Variants in DNM3 observed in about 807,000 individuals in gnomAD.
DNM3 encodes dynamin-3.
DNM3 carries 47 observed loss-of-function variants against 101.6 expected under a neutral mutation model. The ratio of observed to expected loss-of-function variants is 0.46; its 90% CI spans 0.37 to 0.59. DNM3 has a LOEUF of 0.59. Ranked by LOEUF, DNM3 falls within the 20% of genes least tolerant of loss-of-function variation. DNM3 has a pLI of 0.00. For synonymous variants in DNM3, 385 were observed against 387.9 expected (o/e 0.99, Z 0.09); for missense variants, 849 against 1,085.7 (o/e 0.78, Z 3.06).
chr1:171,968,941 G>A (rs1056680914), intron 2 of DNM3, among the ~76,000 whole-genome samples: 6 of 152,158 alleles, frequency 3.9e-5, no homozygotes, highest in South Asian at 2.1e-4. Flanking sequence ...GCTGAAACTC[G>A]TAGAGATGTC....
chr1:172,073,457 A>C (rs2052383675), intron 11 of DNM3, among the ~76,000 whole-genome samples: 1 of 152,130 alleles, frequency 6.6e-6, no homozygotes, highest in Non-Finnish European at 1.5e-5. Flanking sequence ...ACATAATTTT[A>C]TACATATACA....
At chr1:172,032,358 A>G in intron 4 of DNM3, 44 bp from the exon 5 acceptor site, 1 of 1,390,408 alleles carries the variant, frequency 7.2e-7, no homozygotes, top group Non-Finnish European at 1.0e-6. Flanking sequence ...AAAATTTGTT[A>G]GTCTTCTGCA....
chr1:171,847,894 C>CTGTGTGTGTG (rs1234956839), intron 1 of DNM3, among the ~76,000 whole-genome samples: 16 of 139,702 alleles, frequency 1.1e-4, no homozygotes, highest in South Asian at 2.5e-4. Flanking sequence ...CTCTCTCTCT[C>CTGTGTGTGTG]TCTGTGTGTG....
chr1:171,894,133 T>C (rs2037546522), intron 1 of DNM3, among the ~76,000 whole-genome samples: 1 of 152,084 alleles, frequency 6.6e-6, no homozygotes, highest in African/African-American at 2.4e-5. Context: ...AATTTTTGTA[T>C]TTTTAATAGA....
intron 2 of DNM3, among the ~76,000 whole-genome samples, chr1:171,983,428 T>C (rs1403781210): frequency 2.1e-5 from 2 of 95,994 alleles, no homozygotes; most frequent in Non-Finnish European, 4.3e-5. Flanking sequence ...GATCCTCAAG[T>C]TGCCAAATTC....
rs372109356 is a variant in DNM3, at chr1:172,316,361, T to C, written c.1882-6968T>C. Among the ~76,000 whole-genome samples, 4 of 151,696 alleles carry C rather than the reference T, an allele frequency of 2.6e-5. No individual in the cohort carries two copies. The South Asian group carries it at 6.3e-4, about 24-fold the overall frequency. On this transcript the variant is annotated intron_variant, in intron 16 of 20. Transcript: ENST00000627582. ...AGCAAAATAACCAGCTAACATCATA[T>C]TGACAGGATCAAATTCACACATAAC...
intron 18 of DNM3, among the ~76,000 whole-genome samples, chr1:172,380,555 TC>T (rs2068840249): frequency 2.0e-5 from 3 of 152,060 alleles, no homozygotes; most frequent in African/African-American, 7.2e-5. Context: ...TGAATTGTAT[TC>T]TTTTGACCAA....
chr1:172,236,198 T>C (rs1042762647), intron 14 of DNM3, among the ~76,000 whole-genome samples: 7 of 152,186 alleles, frequency 4.6e-5, no homozygotes, highest in Non-Finnish European at 5.9e-5. Flanking sequence ...GTCTACTCTT[T>C]GGTTTTCCTG....
At chr1:172,157,716 A>T (rs1391356170) in intron 14 of DNM3, among the ~76,000 whole-genome samples, 1 of 152,096 alleles carries the variant, frequency 6.6e-6, no homozygotes, top group Non-Finnish European at 1.5e-5. Flanking sequence ...ATTAGGTATT[A>T]TAAGTGATTA....
chr1:171,852,177 A>G (rs1249062921), intron 1 of DNM3, among the ~76,000 whole-genome samples: 2 of 152,374 alleles, frequency 1.3e-5, no homozygotes, highest in South Asian at 2.1e-4. Context: ...TTATATTTAT[A>G]CCACATAAAT....
intron 4 of DNM3, among the ~76,000 whole-genome samples, chr1:171,993,498 C>CTTTTTTTTTTTTTTTTTTTTTTTT (rs145178902): frequency 1.6e-5 from 2 of 128,694 alleles, no homozygotes; most frequent in African/African-American, 2.9e-5. Flanking sequence ...TTTCAAGATT[C>CTTTTTTTTTTTTTTTTTTTTTTTT]TTTTTTTTTT....
chr1:172,086,531 T>C (rs1371722603), intron 12 of DNM3, among the ~76,000 whole-genome samples: 1 of 152,036 alleles, frequency 6.6e-6, no homozygotes, highest in Non-Finnish European at 1.5e-5. Context: ...TATTGAGCAG[T>C]TGAAATGTGG....
At chr1:172,395,905 T>TTGA (rs1409497404) in intron 20 of DNM3, among the ~76,000 whole-genome samples, 2 of 152,212 alleles carry the variant, frequency 1.3e-5, no homozygotes, top group Non-Finnish European at 2.9e-5. Context: ...GGCACTAGAT[T>TTGA]TGATGATAGA....
chr1:172,107,693 T>C (rs568149701), intron 13 of DNM3, among the ~76,000 whole-genome samples: 1 of 152,344 alleles, frequency 6.6e-6, no homozygotes, highest in East Asian at 1.9e-4. Context: ...AGTAAATAGA[T>C]GAGACATTCT....
chr1:172,333,240 TA>T (rs1253496804), intron 17 of DNM3, among the ~76,000 whole-genome samples: 1 of 152,182 alleles, frequency 6.6e-6, no homozygotes, highest in East Asian at 1.9e-4. Context: ...TGAAATCTAA[TA>T]AGTTAAGACA....
chr1:172,279,128 CT>C (rs1353097799), intron 15 of DNM3, among the ~76,000 whole-genome samples: 1 of 152,078 alleles, frequency 6.6e-6, no homozygotes, highest in Non-Finnish European at 1.5e-5. Flanking sequence ...TGTGAGAAAG[CT>C]TGAGAATAAT....
At chr1:172,355,377 G>A (rs575647438) in intron 17 of DNM3, among the ~76,000 whole-genome samples, 22 of 152,100 alleles carry the variant, frequency 1.4e-4, no homozygotes, top group Non-Finnish European at 2.9e-4. Context: ...ACTTTCTAAA[G>A]ACAAGTCATA....
At chr1:172,027,619 G>C (rs55952396) in intron 4 of DNM3, among the ~76,000 whole-genome samples, 29,094 of 111,360 alleles carry the variant, frequency 0.26, 2,958 homozygotes, top group East Asian at 0.51. Flanking sequence ...CACACACACA[G>C]AGAGAGAGAA....
chr1:172,272,538 G>T (rs1171923669), intron 15 of DNM3, among the ~76,000 whole-genome samples: 1 of 152,098 alleles, frequency 6.6e-6, no homozygotes, highest in Non-Finnish European at 1.5e-5. Flanking sequence ...AAATTAAAGT[G>T]ATTCTACACT....
Sources: gnomAD v4.1 joint callset for allele counts (sites outside exome capture counted in the v4.1 genomes callset) on GRCh38, gnomAD v4.1.1 for gene constraint, MANE v1.5 for transcripts, NCBI Gene and HGNC (gene_info 2026-07-23, HGNC 2026-07-21) for gene names.